Variants in DLG5 observed in about 807,000 individuals in gnomAD.
The protein encoded by DLG5 is discs large MAGUK scaffold protein 5.
Under a neutral mutation model 189.8 loss-of-function variants are expected in DLG5, and 48 were observed. The ratio of observed to expected loss-of-function variants is 0.25; its 90% CI spans 0.20 to 0.32. DLG5 has a LOEUF of 0.32. Among genes scored for constraint, DLG5 ranks in the 10% least tolerant of loss-of-function variants. The probability of loss-of-function intolerance (pLI) is 1.00; values close to 1 mark genes in which losing one functional copy is unlikely to be tolerated. For synonymous variants in DLG5, 1,016 were observed against 1,054.1 expected (o/e 0.96, Z 0.70); for missense variants, 2,160 against 2,544.7 (o/e 0.85, Z 3.25).
chr10:77,867,913 T>C (rs1484381063), intron 2 of DLG5: 1 of 456,516 alleles, frequency 2.2e-6, no homozygotes, highest in African/African-American at 2.0e-5. Context: ...ACCAGTGTCC[T>C]TATTAAAAGG....
chr10:77,910,731 G>T (rs1044596092), intron 1 of DLG5, among the ~76,000 whole-genome samples: 2 of 152,152 alleles, frequency 1.3e-5, no homozygotes, highest in Non-Finnish European at 2.9e-5. Flanking sequence ...CAGCACTTTG[G>T]GGGGCCAAGG....
intron 1 of DLG5, among the ~76,000 whole-genome samples, chr10:77,912,731 A>G (rs1846259359): frequency 6.6e-6 from 1 of 152,222 alleles, no homozygotes; most frequent in East Asian, 1.9e-4. Context: ...CTACAAAGGA[A>G]GCAGGTGAAG....
At position 77,819,648 on chromosome 10, in the gene DLG5, AG is replaced by A. The variant is rs554433607; in HGVS notation, c.3527-184del. 6.0e-5 allele frequency: 62 copies of A among 1,041,916 alleles called. No homozygotes were observed. In the African/African-American group the frequency reaches 8.9e-4, roughly 15 times the overall value. 64.5% of individuals were successfully genotyped at this position (1,041,916 alleles called of 1,614,324 possible). A position where few individuals can be genotyped will look rare whatever the true frequency, so the allele number is the denominator to read the frequency against. On this transcript the variant is annotated intron_variant, in intron 16 of 31. Transcript: ENST00000372391. Reference sequence around the variant, plus strand: ...TCCTGGCCTGTCTCCATTTGTAAAAAGGGGGGAAGTCTCTTTCATGCTTCCT... The same window carrying A: ...TCCTGGCCTGTCTCCATTTGTAAAAAGGGGGAAGTCTCTTTCATGCTTCCT...
At chr10:77,904,270 C>T (rs981700492) in intron 1 of DLG5, among the ~76,000 whole-genome samples, 5 of 152,158 alleles carry the variant, frequency 3.3e-5, no homozygotes, top group African/African-American at 1.2e-4. Flanking sequence ...TTGCCCTCCA[C>T]CACGATTATG....
intron 7 of DLG5, among the ~76,000 whole-genome samples, chr10:77,839,743 A>G (rs10824581): frequency 0.26 from 39,649 of 152,178 alleles, 5,963 homozygotes; most frequent in Non-Finnish European, 0.34. Context: ...GATGATTACC[A>G]AATTCTAATG....
intron 1 of DLG5, among the ~76,000 whole-genome samples, chr10:77,897,474 T>C (rs1845795930): frequency 1.3e-5 from 2 of 152,248 alleles, no homozygotes; most frequent in South Asian, 4.1e-4. Context: ...AAAGGGAAAA[T>C]ATCCTAAGAG....
intron 16 of DLG5, 105 bp downstream of exon 16, chr10:77,819,789 GA>G: frequency 6.7e-7 from 1 of 1,483,054 alleles, no homozygotes; most frequent in Non-Finnish European, 8.9e-7. Flanking sequence ...CCTCAGGGCT[GA>G]AAACACATGG....
In DLG5 at chr10:77,877,527, C is replaced by T. The variant is rs188737969; in HGVS notation, c.305-8330G>A. On this transcript the variant is annotated intron_variant, in intron 1 of 31. Coordinates refer to ENST00000372391, the MANE Select transcript of DLG5 (RefSeq NM_004747.4). The stretch of plus-strand genomic sequence containing the variant: ...AAAGCCACCCTCTTTGTTCTGCCTC[C>T]CTTCAGAGCTGCCGGGCTGCAGGTT... Among the ~76,000 whole-genome samples the T allele has an allele frequency of 4.6e-5, 7 of 152,228 alleles. No homozygotes were observed. The East Asian group carries it at 1.4e-3, about 29-fold the overall frequency.
At chr10:77,856,608 G>C (rs1844240374) in intron 3 of DLG5, 122 bp downstream of exon 3, 6 of 1,282,480 alleles carry the variant, frequency 4.7e-6, no homozygotes, top group Non-Finnish European at 6.5e-6. Context: ...GGGGGAAAGG[G>C]GACACTCAGG....
chr10:77,794,280 G>A (rs7910120), intron 30 of DLG5, among the ~76,000 whole-genome samples, 163 bp from the exon 31 acceptor site: 7,098 of 152,252 alleles, frequency 0.047, 547 homozygotes, highest in African/African-American at 0.16. Flanking sequence ...GTAGGCTGTC[G>A]GGGGAGCTCT....
chr10:77,805,309 A>C (rs560955812), intron 27 of DLG5, among the ~76,000 whole-genome samples: 1 of 152,296 alleles, frequency 6.6e-6, no homozygotes, highest in Admixed American at 6.5e-5. Context: ...ATGCAAGTGG[A>C]CAATGAGATG....
intron 1 of DLG5, among the ~76,000 whole-genome samples, chr10:77,896,738 G>A (rs1363327557): frequency 6.6e-6 from 1 of 151,870 alleles, no homozygotes; most frequent in Non-Finnish European, 1.5e-5. Context: ...AGAATCGCTT[G>A]AACCCAGGAG....
chr10:77,896,337 G>T (rs184694294), intron 1 of DLG5, among the ~76,000 whole-genome samples: 1 of 152,242 alleles, frequency 6.6e-6, no homozygotes, highest in East Asian at 1.9e-4. Flanking sequence ...CAATTAGAGA[G>T]ATTTAAGAAG....
intron 5 of DLG5, among the ~76,000 whole-genome samples, chr10:77,848,419 C>T (rs1843796580): frequency 6.6e-6 from 1 of 152,126 alleles, no homozygotes; most frequent in South Asian, 2.1e-4. Flanking sequence ...AGAAGACTCT[C>T]GGGGCCTGAG....
At chr10:77,865,593 G>A (rs1589232818) in intron 2 of DLG5, among the ~76,000 whole-genome samples, 1 of 152,182 alleles carries the variant, frequency 6.6e-6, no homozygotes, top group African/African-American at 2.4e-5. Context: ...TTTCCAAGAT[G>A]AGAAATAAAA....
At position 77,809,529 on chromosome 10, in the gene DLG5, C is replaced by G; in HGVS notation, c.4647+18G>C. 1 of 1,604,062 alleles carries G rather than the reference C, an allele frequency of 6.2e-7. No homozygotes were observed. Among genetic ancestry groups the G allele is most frequent in the East Asian group, 2.2e-5 (1 of 44,774 alleles). ...CAGGTAGATGGAGGCCTGGCCTGCT[C>G]AGCAGCTCAGAACTCACCTCCAGGA... is the stretch of plus-strand genomic sequence containing the variant. On this transcript the variant is annotated intron_variant, in intron 24 of 31. Transcript: ENST00000372391.
intron 2 of DLG5, among the ~76,000 whole-genome samples, chr10:77,858,025 C>T (rs933382519): frequency 6.6e-6 from 1 of 152,170 alleles, no homozygotes; most frequent in African/African-American, 2.4e-5. Flanking sequence ...CAACCCAAGA[C>T]AAAAGCAGTG....
At chr10:77,839,046 G>A (rs1193171317) in intron 7 of DLG5, among the ~76,000 whole-genome samples, 1 of 152,256 alleles carries the variant, frequency 6.6e-6, no homozygotes, top group Admixed American at 6.5e-5. Context: ...GCTCCAGGCT[G>A]AATGGCTCGC....
At chr10:77,900,507 C>A (rs191828959) in intron 1 of DLG5, among the ~76,000 whole-genome samples, 3 of 152,150 alleles carry the variant, frequency 2.0e-5, no homozygotes, top group Admixed American at 1.3e-4. Flanking sequence ...AAGAGAAAAA[C>A]GATCCCCTTT....
Sources: gnomAD v4.1 joint callset for allele counts (sites outside exome capture counted in the v4.1 genomes callset) on GRCh38, gnomAD v4.1.1 for gene constraint, MANE v1.5 for transcripts, NCBI Gene and HGNC (gene_info 2026-07-23, HGNC 2026-07-21) for gene names.